Variants in DAAM2 observed in about 807,000 individuals in gnomAD.
DAAM2 encodes disheveled-associated activator of morphogenesis 2.
In DAAM2, 39 loss-of-function variants were observed where a neutral mutation model predicts 120.7. That is an observed-to-expected ratio of 0.32 (90% confidence interval 0.25 to 0.42). The LOEUF is 0.42. Among genes scored for constraint, DAAM2 ranks in the 10% least tolerant of loss-of-function variants. The pLI is 1.00. For synonymous variants in DAAM2, 488 were observed against 524.9 expected, an observed-to-expected ratio of 0.93 and a Z score of 0.96; for missense variants, 1,283 against 1,401.7, an observed-to-expected ratio of 0.92 and a Z score of 1.35.
chr6:39,816,272 G>T (rs1322574873), intron 1 of DAAM2, among the ~76,000 whole-genome samples: 4 of 152,162 alleles, frequency 2.6e-5, no homozygotes, highest in Non-Finnish European at 5.9e-5. Context: ...TGACTGCAAT[G>T]TATTTATTTT....
In DAAM2 at chr6:39,867,621, C is replaced by T. The variant is rs748223542; in HGVS notation, c.540C>T (p.Cys180=). The change falls in exon 6 of 25, where the codon TGC becomes TGT. Residue 180 remains cysteine, a synonymous_variant. Coordinates refer to ENST00000274867, the MANE Select transcript of DAAM2 (RefSeq NM_001201427.2). ...ESRIHTSLIG[C]IKALMNNSQG... is the part of the protein sequence containing the mutation. The stretch of plus-strand genomic sequence containing the variant: ...GCATCCACACCTCACTCATTGGCTG[C>T]ATCAAAGCATTGATGAACAACTCCC... 15 of 1,614,060 alleles carry T rather than the reference C, an allele frequency of 9.3e-6. No individual in the cohort carries two copies. The highest frequency in any genetic ancestry group is 1.6e-4 in the Middle Eastern group (1 of 6,062).
chr6:39,797,183 T>C (rs1035022433), intron 1 of DAAM2, among the ~76,000 whole-genome samples: 2 of 152,180 alleles, frequency 1.3e-5, no homozygotes, highest in Non-Finnish European at 2.9e-5. Context: ...ACCCATGAAT[T>C]TGGGCTATTT....
intron 1 of DAAM2, among the ~76,000 whole-genome samples, chr6:39,836,730 G>A (rs1021851228): frequency 6.6e-6 from 1 of 152,118 alleles, no homozygotes; most frequent in Non-Finnish European, 1.5e-5. Flanking sequence ...ATCTGGCTCC[G>A]ACCTGGCTGC....
At chr6:39,873,163 G>A (rs1324175420) in intron 9 of DAAM2, 75 bp from the exon 10 acceptor site, 15 of 939,538 alleles carry the variant, frequency 1.6e-5, no homozygotes, top group African/African-American at 3.3e-5. Context: ...ATAGTGGATG[G>A]AAGCAGGGTC....
chr6:39,901,137 G>C lies in DAAM2; in HGVS notation c.2812-165G>C, dbSNP rs1766454864. On this transcript the variant is annotated intron_variant, in intron 23 of 24. Transcript: ENST00000274867. The surrounding 1 kb of genome is among the most constrained non-coding windows in gnomAD (Gnocchi z 4.5). ...TCTCCTTAGCCTTGTCTCTGATCCT[G>C]ATGATGATGGGGGTGTCTTCTCACC... Among the ~76,000 whole-genome samples, 1 of 152,040 alleles carries C rather than the reference G, an allele frequency of 6.6e-6. No individual in the cohort carries two copies. The highest frequency in any genetic ancestry group is 6.6e-5 in the Admixed American group (1 of 15,266).
At chr6:39,887,795 G>A in intron 16 of DAAM2, 1 of 529,838 alleles carries the variant, frequency 1.9e-6, no homozygotes, top group Non-Finnish European at 3.4e-6. Context: ...CGAGGCCCTT[G>A]CCCAGCCTGG....
intron 2 of DAAM2, among the ~76,000 whole-genome samples, chr6:39,860,289 C>T (rs1423381276): frequency 6.6e-6 from 1 of 152,226 alleles, no homozygotes; most frequent in Non-Finnish European, 1.5e-5. Context: ...GGGGCTGCCT[C>T]CAGCAGGCAC....
intron 15 of DAAM2, chr6:39,886,008 G>C (rs1182166742): frequency 5.9e-6 from 1 of 168,642 alleles, no homozygotes; most frequent in South Asian, 2.0e-4. Context: ...GAGTTCATTT[G>C]TGACTCCTCC....
At chr6:39,801,166 A>G (rs1243892807) in intron 1 of DAAM2, among the ~76,000 whole-genome samples, 1 of 152,192 alleles carries the variant, frequency 6.6e-6, no homozygotes, top group East Asian at 1.9e-4. Flanking sequence ...AAATCGTTTT[A>G]GAGGAGTTCA....
chr6:39,886,648 C>T (rs972212551), intron 15 of DAAM2: 15 of 393,608 alleles, frequency 3.8e-5, no homozygotes, highest in African/African-American at 1.9e-4. Flanking sequence ...CCCCTGGCAG[C>T]AGTGGAGGTC....
chr6:39,805,906 A>C (rs943280599), intron 1 of DAAM2, among the ~76,000 whole-genome samples: 1 of 152,170 alleles, frequency 6.6e-6, no homozygotes, highest in African/African-American at 2.4e-5. Flanking sequence ...GCTTATTTCT[A>C]CCATTACGCT....
At chr6:39,856,119 T>TGGGGCCACTGGGGGGGGGGG in intron 1 of DAAM2, 128 bp from the exon 2 acceptor site, 1 of 509,072 alleles carries the variant, frequency 2.0e-6, no homozygotes, top group Non-Finnish European at 2.8e-6. Flanking sequence ...GCGGGGTGGG[T>TGGGGCCACTGGGGGGGGGGG]GGGGCTTTGC....
intron 1 of DAAM2, among the ~76,000 whole-genome samples, chr6:39,808,087 T>C (rs1343690897): frequency 6.6e-6 from 1 of 151,968 alleles, no homozygotes; most frequent in Non-Finnish European, 1.5e-5. Context: ...TTTTTTTTTT[T>C]TTTTCTAATT....
chr6:39,900,057 A>T lies in DAAM2; in HGVS notation c.2680-20A>T, dbSNP rs756945728. ...TCATCTTGGCACCAGTCTAAGCAGC[A>T]CTTCACCCTCCCTCCTCAGGAGCTG... On this transcript the variant is annotated intron_variant, in intron 22 of 24. Transcript: ENST00000274867. The T allele has an allele frequency of 6.3e-7, 1 of 1,597,030 alleles. No homozygotes were observed. Among genetic ancestry groups the T allele is most frequent in the East Asian group, 2.3e-5 (1 of 43,928 alleles).
Position 39,902,581 on chromosome 6 carries a change from C to T in DAAM2, c.*544C>T, listed in dbSNP as rs902356934. 6.6e-6 allele frequency: 1 copy of T among 152,400 alleles called. No homozygotes were observed. The highest frequency in any genetic ancestry group is 2.4e-5 in the African/African-American group (1 of 41,448). The allele number at this position is 152,400 out of a possible 1,614,324, so 9.4% of individuals were successfully genotyped here. ...GCATTATATATTCTAGTTAGATCAGCTCTGGTAGGTTCCAGAGAACAGTCA... is the reference window on the plus strand; with the variant it reads ...GCATTATATATTCTAGTTAGATCAGTTCTGGTAGGTTCCAGAGAACAGTCA... On this transcript the variant is annotated 3_prime_UTR_variant, in exon 25 of 25. Transcript: ENST00000274867.
At position 39,806,424 on chromosome 6, in the gene DAAM2, T is replaced by C. The variant is rs542612190; in HGVS notation, c.-57+13959T>C. ...CCTATCTGCTATACCCATATAGCTATGTGCCTTGAAGGTGAAGGGTATGAT... is the reference window on the plus strand; with the variant it reads ...CCTATCTGCTATACCCATATAGCTACGTGCCTTGAAGGTGAAGGGTATGAT... On this transcript the variant is annotated intron_variant, in intron 1 of 24. Transcript: ENST00000274867. Among the ~76,000 whole-genome samples the C allele has an allele frequency of 5.0e-4, 76 of 152,332 alleles. 1 individual carries two copies. Among genetic ancestry groups the C allele is most frequent in the Middle Eastern group, 6.8e-3 (2 of 294 alleles).
At chr6:39,828,983 C>T (rs1762781874) in intron 1 of DAAM2, among the ~76,000 whole-genome samples, 1 of 152,198 alleles carries the variant, frequency 6.6e-6, no homozygotes, top group South Asian at 2.1e-4. Flanking sequence ...GTTCCACTAG[C>T]AGGGGCTAAC....
chr6:39,848,930 G>A (rs922822621), intron 1 of DAAM2: 3 of 152,162 alleles, frequency 2.0e-5, no homozygotes, highest in African/African-American at 7.2e-5. Flanking sequence ...GATAAACCTC[G>A]AACATGGTAG....
chr6:39,800,277 G>A (rs1454174606), intron 1 of DAAM2, among the ~76,000 whole-genome samples: 2 of 152,162 alleles, frequency 1.3e-5, no homozygotes, highest in African/African-American at 2.4e-5. Flanking sequence ...CCACCCTGGG[G>A]TGTGACTACC....
Sources: gnomAD v4.1 joint callset for allele counts (sites outside exome capture counted in the v4.1 genomes callset) on GRCh38, gnomAD v4.1.1 for gene constraint, Gnocchi (gnomAD v3.1) non-coding constraint, MANE v1.5 for transcripts, NCBI Gene and HGNC (gene_info 2026-07-23, HGNC 2026-07-21) for gene names.